ZMYND8: variants seen among roughly 807,000 people sequenced by gnomAD.
ZMYND8 encodes MYND-type zinc finger-containing chromatin reader ZMYND8.
A neutral mutation model predicts 140.8 loss-of-function variants in ZMYND8; 37 were observed. The observed-to-expected ratio is 0.26, with a 90% CI of 0.20 to 0.35. The LOEUF (loss-of-function observed/expected upper bound fraction) is 0.35. Ranked by LOEUF, ZMYND8 falls within the 10% of genes least tolerant of loss-of-function variation. ZMYND8 has a pLI of 1.00. For synonymous variants in ZMYND8, 592 were observed against 597.1 expected, an observed-to-expected ratio of 0.99 and a Z score of 0.12; for missense variants, 1,068 against 1,570.0, an observed-to-expected ratio of 0.68 and a Z score of 5.40.
chr20:47,309,416 C>T (rs2078746749), intron 3 of ZMYND8, among the ~76,000 whole-genome samples: 1 of 152,172 alleles, frequency 6.6e-6, no homozygotes, highest in Non-Finnish European at 1.5e-5. Context: ...AGCGATTCTC[C>T]TGCCTCGGCC....
chr20:47,338,891 G>C (rs2148514705), intron 2 of ZMYND8, among the ~76,000 whole-genome samples: 1 of 152,060 alleles, frequency 6.6e-6, no homozygotes, highest in South Asian at 2.1e-4. Flanking sequence ...GCAGTGCAAA[G>C]CACTGGACTC....
intron 1 of ZMYND8, chr20:47,351,672 G>T: frequency 1.0e-6 from 1 of 985,214 alleles, no homozygotes; most frequent in Non-Finnish European, 1.2e-6. Flanking sequence ...TGGGGTGGGG[G>T]GGAATGGTTA....
At chr20:47,238,586 G>T in intron 15 of ZMYND8, 172 bp downstream of exon 15, 1 of 1,281,586 alleles carries the variant, frequency 7.8e-7, no homozygotes, top group Non-Finnish European at 1.1e-6. Context: ...AAAGCAAGTA[G>T]CAAAACAATT....
At chr20:47,220,740 C>T (rs535481442) in intron 20 of ZMYND8, among the ~76,000 whole-genome samples, 224 of 152,300 alleles carry the variant, frequency 1.5e-3, no homozygotes, top group Admixed American at 2.4e-3. Flanking sequence ...GACAGTCTAA[C>T]GATTTATCTT....
chr20:47,292,964 G>T (rs1437484331), intron 5 of ZMYND8, among the ~76,000 whole-genome samples: 1 of 151,438 alleles, frequency 6.6e-6, no homozygotes, highest in Non-Finnish European at 1.5e-5. Flanking sequence ...TTGAGAGGCT[G>T]AGGTGGGAGG....
chr20:47,262,462 T>C, intron 11 of ZMYND8, 34 bp from the exon 12 acceptor site: 1 of 1,613,108 alleles, frequency 6.2e-7, no homozygotes, highest in Non-Finnish European at 8.5e-7. Context: ...AAGACAGGTT[T>C]ACAAATAAAC....
rs917886934 is a variant in ZMYND8, at chr20:47,310,785, T to TG, written c.86-582dup. ...TGGGGGACAGGGCAAGCCTCCGACG[T>TG]GAAAAAAAAAAAAAAAAAAAAACAG... On this transcript the variant is annotated intron_variant, in intron 2 of 22. Transcript: ENST00000471951. Among the ~76,000 whole-genome samples, 3 of 76,848 alleles carry TG rather than the reference T, an allele frequency of 3.9e-5. No individual in the cohort carries two copies. In the East Asian group the frequency reaches 1.1e-3, roughly 28 times the overall value. 50.4% of individuals were successfully genotyped at this position (76,848 alleles called of 152,430 possible).
At chr20:47,321,781 A>T (rs1461998993) in intron 2 of ZMYND8, among the ~76,000 whole-genome samples, 1 of 151,786 alleles carries the variant, frequency 6.6e-6, no homozygotes, top group African/African-American at 2.4e-5. Context: ...TGTAACAGCT[A>T]CCTTTTATTG....
rs1397915600 is a variant in ZMYND8 at position 47,213,077 on chromosome 20, C to T, written c.3485-352G>A. Among the ~76,000 whole-genome samples, 6 of 152,230 alleles carry T rather than the reference C, an allele frequency of 3.9e-5. 1 individual carries two copies. The highest frequency in any genetic ancestry group is 2.9e-5 in the Non-Finnish European group (2 of 68,020). ...GGGAAACGGAGGCAGGCACTAGAAACGTGCTAAGGTTGAAGGCAGCACCCG... is the reference window on the plus strand; with the variant it reads ...GGGAAACGGAGGCAGGCACTAGAAATGTGCTAAGGTTGAAGGCAGCACCCG... On this transcript the variant is annotated intron_variant, in intron 21 of 22. Transcript: ENST00000471951.
intron 3 of ZMYND8, among the ~76,000 whole-genome samples, chr20:47,302,547 A>G (rs2078140010): frequency 6.6e-6 from 1 of 152,194 alleles, no homozygotes; most frequent in Non-Finnish European, 1.5e-5. Flanking sequence ...AAAAAATAAA[A>G]AAAAACACTT....
chr20:47,292,926 C>T (rs1020112725), intron 5 of ZMYND8, among the ~76,000 whole-genome samples: 1 of 151,292 alleles, frequency 6.6e-6, no homozygotes, highest in East Asian at 1.9e-4. Flanking sequence ...CTGGGTGTGG[C>T]GGTGTGTGCA....
intron 11 of ZMYND8, among the ~76,000 whole-genome samples, chr20:47,269,738 G>A (rs1293651266): frequency 6.6e-6 from 1 of 152,190 alleles, no homozygotes; most frequent in Non-Finnish European, 1.5e-5. Context: ...TGGGTGGGGT[G>A]GAAAGGCAGA....
chr20:47,292,789 T>C (rs2077349408), intron 5 of ZMYND8, among the ~76,000 whole-genome samples: 1 of 152,068 alleles, frequency 6.6e-6, no homozygotes, highest in Non-Finnish European at 1.5e-5. Context: ...CCGTGACTCA[T>C]GCCTGTGATC....
intron 2 of ZMYND8, among the ~76,000 whole-genome samples, chr20:47,310,786 G>GA (rs1169707543): frequency 0.077 from 5,907 of 76,634 alleles, 354 homozygotes; most frequent in African/African-American, 0.15. Flanking sequence ...CCTCCGACGT[G>GA]AAAAAAAAAA....
intron 2 of ZMYND8, among the ~76,000 whole-genome samples, chr20:47,323,635 G>C (rs1222678204): frequency 6.6e-6 from 1 of 152,092 alleles, no homozygotes; most frequent in Non-Finnish European, 1.5e-5. Flanking sequence ...AGGCTGTCAG[G>C]AGCTCAAGGA....
rs752065946 is a variant in ZMYND8 at position 47,252,460 on chromosome 20, G to A, written c.1622-3021C>T. Among the ~76,000 whole-genome samples the A allele has an allele frequency of 1.7e-3, 264 of 152,030 alleles. 1 individual carries two copies. Among genetic ancestry groups the A allele is most frequent in the Non-Finnish European group, 2.3e-3 (156 of 68,000 alleles). On this transcript the variant is annotated intron_variant, in intron 12 of 22. Coordinates refer to ENST00000471951, the MANE Select transcript of ZMYND8 (RefSeq NM_001281775.3). Reference sequence around the variant, plus strand: ...GAAGAAGCATGCTAGATTCCAGAGGGAAAAGCCAGCCTTTTCAAGAATAAA... The same window carrying A: ...GAAGAAGCATGCTAGATTCCAGAGGAAAAAGCCAGCCTTTTCAAGAATAAA...
chr20:47,287,150 G>T, intron 8 of ZMYND8, 79 bp downstream of exon 8: 2 of 1,305,896 alleles, frequency 1.5e-6, no homozygotes, highest in Non-Finnish European at 2.2e-6. Flanking sequence ...CCTAATAGGA[G>T]ATTCTGCAAA....
intron 10 of ZMYND8, among the ~76,000 whole-genome samples, 177 bp from the exon 11 acceptor site, chr20:47,276,972 TTC>T (rs2076294403): frequency 6.6e-6 from 1 of 150,412 alleles, no homozygotes. Flanking sequence ...AACAAGCATG[TTC>T]TACCATAACA....
At chr20:47,261,336 A>G (rs1163321637) in intron 12 of ZMYND8, among the ~76,000 whole-genome samples, 1 of 152,100 alleles carries the variant, frequency 6.6e-6, no homozygotes, top group African/African-American at 2.4e-5. Context: ...CAAGAGTTCA[A>G]GACCAGCCTG....
Sources: allele counts gnomAD v4.1 joint callset (sites outside exome capture counted in the v4.1 genomes callset), GRCh38; gene constraint gnomAD v4.1.1; transcripts MANE v1.5; gene names NCBI Gene and HGNC (gene_info 2026-07-23, HGNC 2026-07-21).